The following SMURF1 variants were observed in gnomAD, a reference collection of about 807,000 sequenced individuals.
SMURF1 encodes E3 ubiquitin-protein ligase SMURF1.
SMURF1 carries 44 observed loss-of-function variants against 98.0 expected under a neutral mutation model. That is an observed-to-expected ratio of 0.45 (90% CI 0.35 to 0.58). The LOEUF (loss-of-function observed/expected upper bound fraction) is 0.58, where lower values mean the gene tolerates loss of function less well. SMURF1 is among the 20% of genes least tolerant of loss of function. The pLI is 0.00. For synonymous variants in SMURF1, 396 were observed against 374.9 expected (o/e 1.06, Z -0.65); for missense variants, 687 against 938.4 (o/e 0.73, Z 3.50).
chr7:99,105,515 A>C (rs1376057923), intron 1 of SMURF1, among the ~76,000 whole-genome samples: 1 of 152,164 alleles, frequency 6.6e-6, no homozygotes, highest in East Asian at 1.9e-4. Flanking sequence ...CTTCTAATCT[A>C]ATTCTTGAAA....
intron 2 of SMURF1, among the ~76,000 whole-genome samples, chr7:99,061,119 G>T (rs576655950): frequency 6.6e-6 from 1 of 152,310 alleles, no homozygotes; most frequent in African/African-American, 2.4e-5. Context: ...AGGTTTATTA[G>T]ATCAGACAGG....
At chr7:99,072,043 C>G (rs568094140) in intron 1 of SMURF1, among the ~76,000 whole-genome samples, 1 of 151,814 alleles carries the variant, frequency 6.6e-6, no homozygotes, top group Non-Finnish European at 1.5e-5. Flanking sequence ...TGCACCACCG[C>G]ACTCCAGCCT....
chr7:99,034,881 G>GTGTC lies in SMURF1; in HGVS notation c.2011+630_2011+633dup, dbSNP rs1795072922. On this transcript the variant is annotated intron_variant, in intron 16 of 17. Transcript: ENST00000361368. Reference sequence around the variant, plus strand: ...TATTCTGTGTTTACAATGTGTCTGTGTGTCTATCAGCATTTACAGTCCAAT... The same window carrying GTGTC: ...TATTCTGTGTTTACAATGTGTCTGTGTGTCTGTCTATCAGCATTTACAGTCCAAT... Among the ~76,000 whole-genome samples, 8 of 152,298 alleles carry GTGTC rather than the reference G, an allele frequency of 5.3e-5. No homozygotes were observed. The South Asian group carries it at 1.7e-3, about 32-fold the overall frequency.
At chr7:99,032,360 G>T (rs778118450) in intron 17 of SMURF1, among the ~76,000 whole-genome samples, 6 of 152,148 alleles carry the variant, frequency 3.9e-5, no homozygotes, top group African/African-American at 1.4e-4. Flanking sequence ...CCTACAAATC[G>T]GAAAACAGCT....
At chr7:99,143,637 G>T in intron 1 of SMURF1, 89 bp downstream of exon 1, 1 of 1,178,078 alleles carries the variant, frequency 8.5e-7, no homozygotes, top group Admixed American at 2.7e-5. Context: ...GCCGGCGTGG[G>T]GGAGGGCCGC....
At chr7:99,037,246 GT>G in intron 14 of SMURF1, 59 bp from the exon 15 acceptor site, 10 of 1,605,510 alleles carry the variant, frequency 6.2e-6, no homozygotes, top group African/African-American at 1.3e-5. Context: ...CCATGGGCAG[GT>G]TTTTTTTGGA....
chr7:99,074,872 T>G (rs1796414806), intron 1 of SMURF1, among the ~76,000 whole-genome samples: 1 of 152,310 alleles, frequency 6.6e-6, no homozygotes, highest in South Asian at 2.1e-4. Context: ...TATAAAAATT[T>G]TTAAAATTAA....
chr7:99,029,106 CAAA>C lies in SMURF1; in HGVS notation c.*1475_*1477del, dbSNP rs1227754946. On this transcript the variant is annotated 3_prime_UTR_variant, in exon 18 of 18. Transcript: ENST00000361368. The stretch of plus-strand genomic sequence containing the variant: ...TCAGCAGCCCAGAAATTAACAGTGA[CAAA>C]AAGAACAGATAAAACCATTGTCCAC... The C allele has an allele frequency of 6.6e-6, 1 of 152,430 alleles. No homozygotes were observed. The highest frequency in any genetic ancestry group is 1.5e-5 in the Non-Finnish European group (1 of 68,080). 9.4% of individuals were successfully genotyped at this position (152,430 alleles called of 1,614,324 possible).
rs139594526 is a variant in SMURF1 at position 99,038,303 on chromosome 7, C to T, written c.1688+85G>A. The T allele has an allele frequency of 1.5e-5, 23 of 1,490,832 alleles. No homozygotes were observed. The East Asian group carries it at 5.2e-4, about 34-fold the overall frequency. The allele number at this position is 1,490,832 out of a possible 1,614,324, so 92.4% of individuals were successfully genotyped here. ...GCACCAGCCATCAGGGACATGCAGGCCTCACACAGCGAAGGAGCTACAGCA... is the reference window on the plus strand; with the variant it reads ...GCACCAGCCATCAGGGACATGCAGGTCTCACACAGCGAAGGAGCTACAGCA... On this transcript the variant is annotated intron_variant, in intron 14 of 17. Coordinates refer to ENST00000361368, the MANE Select transcript of SMURF1 (RefSeq NM_181349.3).
intron 1 of SMURF1, among the ~76,000 whole-genome samples, chr7:99,089,220 A>AAATC (rs138846676): frequency 7.8e-4 from 119 of 151,726 alleles, no homozygotes; most frequent in Non-Finnish European, 1.4e-3. Context: ...AAAAAGAAAG[A>AAATC]AATCAATCAA....
chr7:99,046,171 A>C (rs572640882), intron 10 of SMURF1, among the ~76,000 whole-genome samples: 32 of 152,344 alleles, frequency 2.1e-4, no homozygotes, highest in Admixed American at 8.5e-4. Flanking sequence ...TCAAGACATT[A>C]GAAAGTCTGA....
intron 5 of SMURF1, among the ~76,000 whole-genome samples, chr7:99,055,624 T>G (rs1306454292): frequency 6.6e-6 from 1 of 152,142 alleles, no homozygotes; most frequent in Non-Finnish European, 1.5e-5. Flanking sequence ...CATGTGCCAC[T>G]GAGCCCAGTT....
At chr7:99,045,842 T>C in intron 10 of SMURF1, 41 bp from the exon 11 acceptor site, 1 of 1,487,612 alleles carries the variant, frequency 6.7e-7, no homozygotes. Flanking sequence ...AGAACATTCT[T>C]ATTCTTAAAG....
At chr7:99,040,009 C>T (rs374199101) in intron 13 of SMURF1, among the ~76,000 whole-genome samples, 1 of 152,166 alleles carries the variant, frequency 6.6e-6, no homozygotes, top group Non-Finnish European at 1.5e-5. Context: ...GGCCTGTTAA[C>T]GTCTGTGATC....
intron 1 of SMURF1, among the ~76,000 whole-genome samples, chr7:99,073,056 G>C (rs1017257924): frequency 6.6e-6 from 1 of 152,166 alleles, no homozygotes; most frequent in Non-Finnish European, 1.5e-5. Context: ...AGCATTCACT[G>C]ACTCACGCTA....
intron 1 of SMURF1, among the ~76,000 whole-genome samples, chr7:99,077,616 G>A (rs1796495323): frequency 6.6e-6 from 1 of 152,140 alleles, no homozygotes; most frequent in Non-Finnish European, 1.5e-5. Context: ...ACAGGTGTGA[G>A]CCACTGCGCC....
intron 1 of SMURF1, among the ~76,000 whole-genome samples, chr7:99,130,978 T>G (rs1190353236): frequency 6.6e-6 from 1 of 152,182 alleles, no homozygotes; most frequent in Non-Finnish European, 1.5e-5. Context: ...ACTGAGCTGT[T>G]GAAGAAGCAG....
intron 3 of SMURF1, 31 bp from the exon 4 acceptor site, chr7:99,057,582 T>A (rs1198271993): frequency 6.6e-7 from 1 of 1,507,018 alleles, no homozygotes; most frequent in Admixed American, 2.5e-5. Flanking sequence ...TCATTTTTAA[T>A]TGTGTTTGGT....
At chr7:99,048,023 G>A (rs1795638512) in intron 9 of SMURF1, 141 bp from the exon 10 acceptor site, 1 of 746,674 alleles carries the variant, frequency 1.3e-6, no homozygotes, top group Admixed American at 2.3e-5. Context: ...GACGTAACCA[G>A]GTACCTAGCT....
Sources: gnomAD v4.1 joint callset for allele counts (sites outside exome capture counted in the v4.1 genomes callset) on GRCh38, gnomAD v4.1.1 for gene constraint, MANE v1.5 for transcripts, NCBI Gene and HGNC (gene_info 2026-07-23, HGNC 2026-07-21) for gene names.